Variants in AKT3 observed in about 807,000 individuals in gnomAD.
AKT3 encodes the protein AKT serine/threonine kinase 3, also known as RAC-gamma serine/threonine-protein kinase.
AKT3 carries 15 observed loss-of-function variants against 65.3 expected under a neutral mutation model. The ratio of observed to expected loss-of-function variants is 0.23; its 90% CI spans 0.15 to 0.35. AKT3 has a LOEUF of 0.35. Ranked by LOEUF, AKT3 falls within the 10% of genes least tolerant of loss-of-function variation. The pLI, the probability that AKT3 is intolerant of heterozygous loss-of-function variation, is 1.00. For missense variants in AKT3, 243 were observed against 576.5 expected (o/e 0.42, Z 5.92); for synonymous variants, 206 against 183.8 (o/e 1.12, Z -0.98).
At chr1:243,624,175 A>T (rs746030887) in intron 6 of AKT3, among the ~76,000 whole-genome samples, 23 of 152,210 alleles carry the variant, frequency 1.5e-4, no homozygotes, top group Non-Finnish European at 2.6e-4. Context: ...GACAATGACA[A>T]ACTCTGATGC....
intron 13 of AKT3, among the ~76,000 whole-genome samples, chr1:243,511,622 C>T (rs1417307486): frequency 6.6e-6 from 1 of 152,156 alleles, no homozygotes; most frequent in Non-Finnish European, 1.5e-5. Flanking sequence ...CAATCTTATC[C>T]ACATTCTTAA....
intron 2 of AKT3, among the ~76,000 whole-genome samples, chr1:243,752,476 A>C (rs1296833871): frequency 1.3e-5 from 2 of 152,196 alleles, no homozygotes; most frequent in Admixed American, 1.3e-4. Context: ...TAGGTTTGTT[A>C]AATTAATTTT....
chr1:243,552,957 C>A lies in AKT3; in HGVS notation c.949-14G>T. On this transcript the variant is annotated splice_polypyrimidine_tract_variant and intron_variant, in intron 10 of 13. Transcript: ENST00000673466. ...ATCTTCTAACACCTAAAAGTGAAAT[C>A]AGTAAAAAGATTAATTATTACATGT... is the stretch of plus-strand genomic sequence containing the variant. 1 of 1,543,930 alleles carries A rather than the reference C, an allele frequency of 6.5e-7. No homozygotes were observed. Among genetic ancestry groups the A allele is most frequent in the South Asian group, 1.2e-5 (1 of 83,012 alleles).
chr1:243,767,308 A>C (rs376301270), intron 2 of AKT3, among the ~76,000 whole-genome samples: 19 of 152,304 alleles, frequency 1.2e-4, no homozygotes, highest in African/African-American at 4.3e-4. Context: ...ACACACCCAG[A>C]AGGCATAACA....
In AKT3 at chr1:243,807,805, C is replaced by T. The variant is rs557723647; in HGVS notation, c.46+35320G>A. Among the ~76,000 whole-genome samples the T allele has an allele frequency of 3.3e-5, 5 of 152,310 alleles. No individual in the cohort carries two copies. The South Asian group carries it at 6.2e-4, about 19-fold the overall frequency. ...CCCCAGTAGGGGCAGACTGACACCT[C>T]ACACGGCCGGGCACCCCTCTGAGAC... On this transcript the variant is annotated intron_variant, in intron 2 of 13. Transcript: ENST00000673466.
At chr1:243,838,244 T>C (rs1042965106) in intron 2 of AKT3, among the ~76,000 whole-genome samples, 3 of 152,136 alleles carry the variant, frequency 2.0e-5, no homozygotes, top group Non-Finnish European at 4.4e-5. Context: ...ATTAGTTAAA[T>C]CTCAGAGTTT....
At chr1:243,515,835 C>A (rs970536467) in intron 12 of AKT3, among the ~76,000 whole-genome samples, 2 of 151,840 alleles carry the variant, frequency 1.3e-5, no homozygotes, top group Non-Finnish European at 2.9e-5. Context: ...CTAAAAATAC[C>A]AAAAATTAGC....
chr1:243,757,353 C>CAT (rs1305776517), intron 2 of AKT3, among the ~76,000 whole-genome samples: 2 of 152,228 alleles, frequency 1.3e-5, no homozygotes, highest in Non-Finnish European at 2.9e-5. Context: ...TGCACTGGCT[C>CAT]ATGCCTGTAA....
chr1:243,532,728 A>G (rs929571743), intron 12 of AKT3, among the ~76,000 whole-genome samples: 4 of 152,142 alleles, frequency 2.6e-5, no homozygotes, highest in South Asian at 4.1e-4. Flanking sequence ...GACTGGCATT[A>G]ATTTTTCTTT....
At chr1:243,769,200 T>C (rs1481420424) in intron 2 of AKT3, among the ~76,000 whole-genome samples, 1 of 152,202 alleles carries the variant, frequency 6.6e-6, no homozygotes, top group Admixed American at 6.5e-5. Flanking sequence ...ATAATCATAA[T>C]TTGCTTATCC....
At chr1:243,513,090 C>T (rs997613427) in intron 12 of AKT3, among the ~76,000 whole-genome samples, 1 of 152,164 alleles carries the variant, frequency 6.6e-6, no homozygotes, top group African/African-American at 2.4e-5. Flanking sequence ...GGGCAGGAAT[C>T]ATCTCATTCG....
intron 2 of AKT3, among the ~76,000 whole-genome samples, chr1:243,805,262 C>T (rs780954379): frequency 2.6e-5 from 4 of 152,114 alleles, no homozygotes; most frequent in Non-Finnish European, 5.9e-5. Flanking sequence ...TCTGGACCAA[C>T]TGGGAGTTTG....
chr1:243,609,323 CTT>C (rs1371118798), intron 8 of AKT3, among the ~76,000 whole-genome samples: 26 of 124,818 alleles, frequency 2.1e-4, no homozygotes, highest in Admixed American at 3.6e-4. Context: ...ATATAAATAA[CTT>C]TTCATTTTCT....
rs1287863403 is a variant in AKT3 at position 243,503,622 on chromosome 1, G to C, written c.*1627C>G. 1 of 232,870 alleles carries C rather than the reference G, an allele frequency of 4.3e-6. No individual in the cohort carries two copies. The highest frequency in any genetic ancestry group is 2.2e-5 in the African/African-American group (1 of 45,294). The allele number at this position is 232,870 out of a possible 1,614,324, so 14.4% of individuals were successfully genotyped here. On this transcript the variant is annotated 3_prime_UTR_variant, in exon 14 of 14. Transcript: ENST00000673466. ...AAGATCATCATTAATGAAGGAGAAA[G>C]ATGAGGTTTGCATACATGCCCCCTT... is the stretch of plus-strand genomic sequence containing the variant.
At chr1:243,675,901 T>C (rs1281068142) in intron 3 of AKT3, among the ~76,000 whole-genome samples, 1 of 152,172 alleles carries the variant, frequency 6.6e-6, no homozygotes, top group Admixed American at 6.5e-5. Flanking sequence ...TCTGTTATGC[T>C]TTTATTTTTG....
intron 2 of AKT3, among the ~76,000 whole-genome samples, chr1:243,804,467 T>C (rs1166587191): frequency 6.6e-6 from 1 of 152,222 alleles, no homozygotes; most frequent in Non-Finnish European, 1.5e-5. Context: ...AATAGTTAAA[T>C]CTAGCTAACA....
chr1:243,616,092 A>T (rs1348496499), intron 6 of AKT3, among the ~76,000 whole-genome samples: 3 of 151,534 alleles, frequency 2.0e-5, no homozygotes, highest in African/African-American at 7.3e-5. Context: ...TTTGGGGAGC[A>T]GGTGGTGTTA....
intron 13 of AKT3, among the ~76,000 whole-genome samples, chr1:243,507,307 A>AATTGAGAG (rs1425909755): frequency 3.3e-5 from 5 of 152,248 alleles, no homozygotes; most frequent in Non-Finnish European, 7.3e-5. Flanking sequence ...GTCAGCTAAG[A>AATTGAGAG]ATTGAGAGAC....
chr1:243,602,853 A>G (rs1356098567), intron 8 of AKT3, among the ~76,000 whole-genome samples: 1 of 152,184 alleles, frequency 6.6e-6, no homozygotes, highest in African/African-American at 2.4e-5. Flanking sequence ...TTTCTACACA[A>G]TGATTTTCCT....
Sources: allele counts gnomAD v4.1 joint callset (sites outside exome capture counted in the v4.1 genomes callset), GRCh38; gene constraint gnomAD v4.1.1; transcripts MANE v1.5; gene names NCBI Gene and HGNC (gene_info 2026-07-23, HGNC 2026-07-21).